Variants in SH3BP2 observed in about 807,000 individuals in gnomAD.
SH3BP2 encodes the protein SH3 domain-binding protein 2.
SH3BP2 carries 38 observed loss-of-function variants against 56.2 expected under a neutral mutation model. The ratio of observed to expected loss-of-function variants is 0.68; its 90% CI spans 0.52 to 0.89. The LOEUF (loss-of-function observed/expected upper bound fraction) is 0.89, where lower values mean the gene tolerates loss of function less well. SH3BP2 is among the 40% of genes least tolerant of loss of function. The pLI is 0.00. For missense variants in SH3BP2, 748 were observed against 762.6 expected (o/e 0.98, Z 0.23); for synonymous variants, 346 against 316.7 (o/e 1.09, Z -0.98).
intron 1 of SH3BP2, among the ~76,000 whole-genome samples, chr4:2,812,799 A>C (rs1181978312): frequency 1.4e-5 from 2 of 144,166 alleles, no homozygotes; most frequent in Non-Finnish European, 3.1e-5. Flanking sequence ...CAGGTCCGGG[A>C]ACTTCTCATG....
rs1245396374 is a variant in SH3BP2, at chr4:2,826,601, GCT to G, written c.429-626_429-625del. Reference sequence around the variant, plus strand: ...GTGTGTGTGTGCATGTCTGTGTGTTGCTCTGTGTTTGTGTGTGCATGTCTGCG... The same window carrying G: ...GTGTGTGTGTGCATGTCTGTGTGTTGCTGTGTTTGTGTGTGCATGTCTGCG... On this transcript the variant is annotated intron_variant, in intron 5 of 12. Coordinates refer to ENST00000503393, the MANE Select transcript of SH3BP2 (RefSeq NM_001122681.2). 10 of 276,858 alleles carry G rather than the reference GCT, an allele frequency of 3.6e-5. 1 individual carries two copies. The highest frequency in any genetic ancestry group is 1.3e-4 in the South Asian group (5 of 37,674). 17.2% of individuals were successfully genotyped at this position (276,858 alleles called of 1,614,324 possible).
chr4:2,808,751 C>G (rs1723633845), intron 1 of SH3BP2, among the ~76,000 whole-genome samples: 1 of 151,572 alleles, frequency 6.6e-6, no homozygotes, highest in Non-Finnish European at 1.5e-5. Context: ...GGGTGCCCGC[C>G]TTCCCCCAGG....
At chr4:2,819,452 G>A (rs368780065) in intron 1 of SH3BP2, among the ~76,000 whole-genome samples, 1 of 152,138 alleles carries the variant, frequency 6.6e-6, no homozygotes, top group South Asian at 2.1e-4. Context: ...TTTTCTTTAT[G>A]TATGTTTTTT....
At chr4:2,825,258 G>C (rs574564359) in intron 5 of SH3BP2, 62 bp downstream of exon 5, 1 of 1,364,890 alleles carries the variant, frequency 7.3e-7, no homozygotes, top group East Asian at 2.5e-5. Context: ...GGCCTGACCC[G>C]GGTGTCCGCC....
chr4:2,812,184 G>A (rs989841627), intron 1 of SH3BP2: 6 of 1,435,394 alleles, frequency 4.2e-6, no homozygotes, highest in Non-Finnish European at 5.5e-6. Flanking sequence ...GCAGCTTTCA[G>A]GACCTCACAG....
intron 1 of SH3BP2, among the ~76,000 whole-genome samples, chr4:2,813,292 G>C (rs955047408): frequency 3.3e-5 from 5 of 152,346 alleles, no homozygotes; most frequent in Admixed American, 2.6e-4. Context: ...GGCCGGGGGT[G>C]GTGCGTGAGC....
At position 2,830,066 on chromosome 4, in the gene SH3BP2, C is replaced by G; in HGVS notation, c.1160C>G (p.Ala387Gly). ...FVPPVAPRPPALKLPVPEAMA... is the reference protein window; with the variant it reads ...FVPPVAPRPPGLKLPVPEAMA... ...CCCCCCGTGGCTCCCCGGCCTCCTG[C>G]GCTGAAGCTGCCAGTGCCTGAGGCC... The change falls in exon 8 of 13, where the codon GCG (alanine) becomes GGG (glycine). Residue 387 changes from alanine (A) to glycine (G), a missense_variant. Transcript: ENST00000503393. 1 of 1,611,148 alleles carries G rather than the reference C, an allele frequency of 6.2e-7. No homozygotes were observed.
chr4:2,795,573 G>A (rs75498643), intron 1 of SH3BP2, among the ~76,000 whole-genome samples: 1,612 of 152,276 alleles, frequency 0.011, 48 homozygotes, highest in East Asian at 0.067. Context: ...GGGAAAAGAC[G>A]GGGAATTTGC....
chr4:2,813,218 T>C (rs1254436093), intron 1 of SH3BP2, among the ~76,000 whole-genome samples: 1 of 152,204 alleles, frequency 6.6e-6, no homozygotes, highest in Non-Finnish European at 1.5e-5. Flanking sequence ...AGCCGCCCCA[T>C]CTGCACATCC....
At position 2,839,085 on chromosome 4, in the gene SH3BP2, T is replaced by C. The variant is rs1229951094; in HGVS notation, c.*5251T>C. The C allele has an allele frequency of 2.0e-5, 3 of 152,322 alleles. No individual in the cohort carries two copies. In the East Asian group the frequency reaches 5.8e-4, roughly 29 times the overall value. 9.4% of individuals were successfully genotyped at this position (152,322 alleles called of 1,614,324 possible). A position where few individuals can be genotyped will look rare whatever the true frequency, so the allele number is the denominator to read the frequency against. On this transcript the variant is annotated 3_prime_UTR_variant, in exon 13 of 13. Coordinates refer to ENST00000503393, the MANE Select transcript of SH3BP2 (RefSeq NM_001122681.2). ...CAAGGAGATTGAGCATATTTTTATG[T>C]TTTTATTAACCATTTTGATTTTGTC...
chr4:2,803,338 G>C lies in SH3BP2; in HGVS notation c.-5+10200G>C, dbSNP rs572198259. Among the ~76,000 whole-genome samples the C allele has an allele frequency of 2.6e-5, 4 of 152,242 alleles. No individual in the cohort carries two copies. The South Asian group carries it at 8.3e-4, about 32-fold the overall frequency. On this transcript the variant is annotated intron_variant, in intron 1 of 12. Transcript: ENST00000503393. ...CCCAGGGCCTCGGCATCTCCACTCT[G>C]TTCCCTTGTTATCTCGCCCTGGTGC...
At chr4:2,805,758 C>T (rs976596307) in intron 1 of SH3BP2, among the ~76,000 whole-genome samples, 9 of 151,962 alleles carry the variant, frequency 5.9e-5, no homozygotes, top group East Asian at 5.8e-4. Context: ...CCAGGGCCTG[C>T]GGATTGGGGT....
chr4:2,833,714 G>A lies in SH3BP2; in HGVS notation c.1566G>A (p.Leu522=), dbSNP rs1725127760. The change falls in exon 13 of 13, where the codon CTG becomes CTA. Residue 522 remains leucine (L), a synonymous_variant. Coordinates refer to ENST00000503393, the MANE Select transcript of SH3BP2 (RefSeq NM_001122681.2). ...CCCCACAGGACTCTAAGTTCTACCTGGAGGGCGAGGTCCTGTTTGTGAGTG... is the reference window on the plus strand; with the variant it reads ...CCCCACAGGACTCTAAGTTCTACCTAGAGGGCGAGGTCCTGTTTGTGAGTG... ...RIFEKDSKFY[L]EGEVLFVSVG... 6.2e-7 allele frequency: 1 copy of A among 1,610,676 alleles called. No homozygotes were observed. Among genetic ancestry groups the A allele is most frequent in the Non-Finnish European group, 8.5e-7 (1 of 1,178,628 alleles).
In SH3BP2 at chr4:2,833,070, A is replaced by C. The variant is rs1167200784; in HGVS notation, c.1548+21A>C. 2.5e-6 allele frequency: 4 copies of C among 1,612,262 alleles called. No homozygotes were observed. The Admixed American group carries it at 6.7e-5, about 27-fold the overall frequency. ...AGAAGGTGAGAGGGCTCTGAGTGGGACGGGGACCCTGGCCGCATGGCCTGG... is the reference window on the plus strand; with the variant it reads ...AGAAGGTGAGAGGGCTCTGAGTGGGCCGGGGACCCTGGCCGCATGGCCTGG... On this transcript the variant is annotated intron_variant, in intron 12 of 12. Coordinates refer to ENST00000503393, the MANE Select transcript of SH3BP2 (RefSeq NM_001122681.2).
intron 1 of SH3BP2, among the ~76,000 whole-genome samples, chr4:2,807,799 C>T (rs1723592201): frequency 6.6e-6 from 1 of 152,188 alleles, no homozygotes; most frequent in African/African-American, 2.4e-5. Flanking sequence ...GTCAGCAAGC[C>T]TGGCGGGTGT....
At position 2,825,109 on chromosome 4, in the gene SH3BP2, G is replaced by A. The variant is rs1258203172; in HGVS notation, c.358-17G>A. Reference sequence around the variant, plus strand: ...CCCTGGTGGCACCGTGCCCACCACAGCCCCGCTGACCTGCAGAGCTGGATG... The same window carrying A: ...CCCTGGTGGCACCGTGCCCACCACAACCCCGCTGACCTGCAGAGCTGGATG... On this transcript the variant is annotated splice_polypyrimidine_tract_variant and intron_variant, in intron 4 of 12. Coordinates refer to ENST00000503393, the MANE Select transcript of SH3BP2 (RefSeq NM_001122681.2). The A allele has an allele frequency of 6.4e-7, 1 of 1,561,062 alleles. No individual in the cohort carries two copies. The highest frequency in any genetic ancestry group is 1.2e-5 in the South Asian group (1 of 84,808).
Position 2,829,840 on chromosome 4 carries a change from C to T in SH3BP2, c.934C>T (p.His312Tyr). 1.2e-6 allele frequency: 2 copies of T among 1,613,638 alleles called. No individual in the cohort carries two copies. The highest frequency in any genetic ancestry group is 1.7e-6 in the Non-Finnish European group (2 of 1,179,998). The change falls in exon 8 of 13, where the codon CAC (histidine) becomes TAC (tyrosine). Residue 312 changes from histidine (H) to tyrosine (Y), a missense_variant. By Grantham distance (83) the His-to-Tyr change is moderately conservative (BLOSUM62 2). Transcript: ENST00000503393. The surrounding 1 kb of genome is among the most constrained non-coding windows in gnomAD (Gnocchi z 4.9). Reference sequence around the variant, plus strand: ...CAGCCCGGAGCCCTGGACCCCTGGCCACGGGGCCTGCTCCACTTCCAGTGC... The same window carrying T: ...CAGCCCGGAGCCCTGGACCCCTGGCTACGGGGCCTGCTCCACTTCCAGTGC... ...SPSPEPWTPG[H>Y]GACSTSSAAI...
chr4:2,833,307 C>T, intron 12 of SH3BP2: 1 of 589,196 alleles, frequency 1.7e-6, no homozygotes. Context: ...CTTGTCTTGT[C>T]TTTTTCTTTT....
At chr4:2,803,666 TCTAA>T (rs1305433583) in intron 1 of SH3BP2, among the ~76,000 whole-genome samples, 1 of 152,092 alleles carries the variant, frequency 6.6e-6, no homozygotes, top group Non-Finnish European at 1.5e-5. Context: ...GACTGGCAGT[TCTAA>T]CTAAGACCCA....
Sources: allele counts gnomAD v4.1 joint callset (sites outside exome capture counted in the v4.1 genomes callset), GRCh38; gene constraint gnomAD v4.1.1; non-coding constraint Gnocchi (gnomAD v3.1); transcripts MANE v1.5; gene names NCBI Gene and HGNC (gene_info 2026-07-23, HGNC 2026-07-21).